The following SLC6A20 variants were observed in gnomAD, a reference collection of about 807,000 sequenced individuals.
SLC6A20 encodes the protein sodium- and chloride-dependent transporter XTRP3.
A neutral mutation model predicts 64.3 loss-of-function variants in SLC6A20; 73 were observed. That is an observed-to-expected ratio of 1.14 (90% CI 0.94 to 1.38). The LOEUF (loss-of-function observed/expected upper bound fraction) is 1.38. Ranked by LOEUF, SLC6A20 falls within the 40% of genes most tolerant of loss-of-function variation. The pLI is 0.00. For missense variants in SLC6A20, 725 were observed against 772.8 expected (o/e 0.94, Z 0.73); for synonymous variants, 347 against 329.6 (o/e 1.05, Z -0.57).
At chr3:45,772,294 C>T (rs908566089) in intron 5 of SLC6A20, 3 of 517,822 alleles carry the variant, frequency 5.8e-6, no homozygotes. Context: ...ACTTAATGCT[C>T]CAGAATTAAC....
At chr3:45,772,129 T>C (rs562874614) in intron 5 of SLC6A20, 6 of 207,828 alleles carry the variant, frequency 2.9e-5, no homozygotes, top group East Asian at 2.9e-4. Flanking sequence ...GGGAAACGGG[T>C]GCGTGGAACC....
chr3:45,782,248 C>T, intron 1 of SLC6A20, 25 bp from the exon 2 acceptor site: 2 of 1,597,522 alleles, frequency 1.3e-6, no homozygotes, highest in Non-Finnish European at 1.7e-6. Context: ...AGCTGAGAGC[C>T]AGGCCACCAC....
rs1699715622 is a variant in SLC6A20, at chr3:45,763,150, GGTC to G, written c.1304-81_1304-79del. The G allele has an allele frequency of 1.2e-5, 19 of 1,571,266 alleles. No individual in the cohort carries two copies. In the South Asian group the frequency reaches 2.1e-4, roughly 17 times the overall value. ...TTACCAGTTCTCTACAGGACAGTGG[GGTC>G]GTCGGCCCTCAGGGAATTTTGGCTG... On this transcript the variant is annotated intron_variant, in intron 8 of 10. Transcript: ENST00000358525.
intron 4 of SLC6A20, among the ~76,000 whole-genome samples, chr3:45,773,837 G>A (rs1699918368): frequency 6.6e-6 from 1 of 152,236 alleles, no homozygotes; most frequent in South Asian, 2.1e-4. Context: ...AGCTGAGGTT[G>A]TTGTAACTTG....
Position 45,759,011 on chromosome 3 carries a change from G to A in SLC6A20, c.1746C>T (p.Arg582=), listed in dbSNP as rs749688412. 6.8e-6 allele frequency: 11 copies of A among 1,612,664 alleles called. No individual in the cohort carries two copies. The highest frequency in any genetic ancestry group is 9.3e-6 in the Non-Finnish European group (11 of 1,179,422). ...CGGGGTCTGCGTCTCCCCTCTTGAG[G>A]CGACGCTGAACAAAAGTCCCCAGGG... ...LAALGTFVQR[R]LKRGDADPVA Residue 582 remains arginine, a synonymous_variant, in exon 11 of 11, where the codon CGC becomes CGT. Coordinates refer to ENST00000358525, the MANE Select transcript of SLC6A20 (RefSeq NM_020208.4).
At chr3:45,760,533 C>G (rs1178286997) in intron 9 of SLC6A20, among the ~76,000 whole-genome samples, 1 of 152,130 alleles carries the variant, frequency 6.6e-6, no homozygotes, top group Admixed American at 6.5e-5. Context: ...GAGGAAGAGC[C>G]AACCTCGGAC....
At chr3:45,762,797 T>C (rs1365599037) in intron 9 of SLC6A20, 116 bp downstream of exon 9, 1 of 1,363,440 alleles carries the variant, frequency 7.3e-7, no homozygotes, top group African/African-American at 1.4e-5. Flanking sequence ...TGAGTCATGA[T>C]GCGAAGCTTA....
In SLC6A20 at chr3:45,758,245, T is replaced by C; in HGVS notation, c.*733A>G. On this transcript the variant is annotated 3_prime_UTR_variant, in exon 11 of 11. Transcript: ENST00000358525. ...ATCCACTTTCATTCTCACCTCACAG[T>C]GGCTCCTGACTCCTTTTCCAATGCA... 1 of 303,204 alleles carries C rather than the reference T, an allele frequency of 3.3e-6. No homozygotes were observed. The highest frequency in any genetic ancestry group is 6.2e-6 in the Non-Finnish European group (1 of 161,760). The allele number at this position is 303,204 out of a possible 1,614,324, so 18.8% of individuals were successfully genotyped here. A position where few individuals can be genotyped will look rare whatever the true frequency, so the allele number is the denominator to read the frequency against.
At chr3:45,779,270 G>A (rs1008915181) in intron 3 of SLC6A20, among the ~76,000 whole-genome samples, 3 of 152,232 alleles carry the variant, frequency 2.0e-5, no homozygotes, top group African/African-American at 7.2e-5. Context: ...TCCTGAGAGT[G>A]AAACGGTAGG....
chr3:45,776,890 C>T (rs1699977554), intron 3 of SLC6A20, among the ~76,000 whole-genome samples: 1 of 152,148 alleles, frequency 6.6e-6, no homozygotes, highest in Non-Finnish European at 1.5e-5. Flanking sequence ...TCCAGGTGTG[C>T]CCCCATAGGA....
Position 45,756,447 on chromosome 3 carries a change from A to G in SLC6A20, c.*2531T>C, listed in dbSNP as rs1296560086. On this transcript the variant is annotated 3_prime_UTR_variant, in exon 11 of 11. Coordinates refer to ENST00000358525, the MANE Select transcript of SLC6A20 (RefSeq NM_020208.4). ...GAATCCACGGGGTAGATAAGATTAA[A>G]TCCATGGGGTACATGCTGGTTCATA... 1 of 152,212 alleles carries G rather than the reference A, an allele frequency of 6.6e-6. No individual in the cohort carries two copies. Among genetic ancestry groups the G allele is most frequent in the African/African-American group, 2.4e-5 (1 of 41,442 alleles). 9.4% of individuals were successfully genotyped at this position (152,212 alleles called of 1,614,324 possible). A position where few individuals can be genotyped will look rare whatever the true frequency, so the allele number is the denominator to read the frequency against.
In SLC6A20 at chr3:45,758,945, T is replaced by C. The variant is rs755566207; in HGVS notation, c.*33A>G. ...GGAGTTTCCGCCTGTAAATAGTATC[T>C]GTAAAACCGTGAGCGGCTGGGAAGC... On this transcript the variant is annotated 3_prime_UTR_variant, in exon 11 of 11. Transcript: ENST00000358525. The C allele has an allele frequency of 1.1e-5, 18 of 1,569,972 alleles. No homozygotes were observed. The highest frequency in any genetic ancestry group is 1.5e-5 in the Non-Finnish European group (17 of 1,157,934).
In SLC6A20 at chr3:45,770,235, A is replaced by G. The variant is rs756316846; in HGVS notation, c.1072T>C (p.Cys358Arg). 4 of 1,614,206 alleles carry G rather than the reference A, an allele frequency of 2.5e-6. No individual in the cohort carries two copies. In the East Asian group the frequency reaches 6.7e-5, roughly 27 times the overall value. ...GTGTCTAGCTCCGATTCCAAGCTGCAGTTTTTGATTTGCGGGAACATCTCG... is the reference window on the plus strand; with the variant it reads ...GTGTCTAGCTCCGATTCCAAGCTGCGGTTTTTGATTTGCGGGAACATCTCG... ...YSEMFPQIKN[C>R]SLESELDTAV... is the part of the protein sequence containing the mutation. The change falls in exon 7 of 11, where the codon TGC becomes CGC. Residue 358 changes from cysteine (C) to arginine (R), a missense_variant. Transcript: ENST00000358525.
At chr3:45,771,580 G>T in intron 5 of SLC6A20, 122 bp from the exon 6 acceptor site, 1 of 1,485,034 alleles carries the variant, frequency 6.7e-7, no homozygotes. Context: ...GCCATCAGGG[G>T]CACCCCTAGG....
At chr3:45,772,304 C>A in intron 5 of SLC6A20, 1 of 530,282 alleles carries the variant, frequency 1.9e-6, no homozygotes. Flanking sequence ...CCAGAATTAA[C>A]AGGGAGTGGG....
In SLC6A20 at chr3:45,759,013, G is replaced by A. The variant is rs146474113; in HGVS notation, c.1744C>T (p.Arg582Cys). The change falls in exon 11 of 11, where the codon CGC (arginine) becomes TGC (cysteine). Residue 582 changes from arginine (R) to cysteine (C), a missense_variant. Physicochemically the swap from Arg to Cys is radical, Grantham distance 180. Transcript: ENST00000358525. ...LAALGTFVQR[R>C]LKRGDADPVA ...GGGTCTGCGTCTCCCCTCTTGAGGCGACGCTGAACAAAAGTCCCCAGGGCC... is the reference window on the plus strand; with the variant it reads ...GGGTCTGCGTCTCCCCTCTTGAGGCAACGCTGAACAAAAGTCCCCAGGGCC... The A allele has an allele frequency of 4.4e-4, 714 of 1,612,486 alleles. No homozygotes were observed. Among genetic ancestry groups the A allele is most frequent in the East Asian group, 1.3e-3 (60 of 44,846 alleles).
At chr3:45,773,583 GAAAT>G (rs987114595) in intron 4 of SLC6A20, among the ~76,000 whole-genome samples, 1 of 152,142 alleles carries the variant, frequency 6.6e-6, no homozygotes, top group Non-Finnish European at 1.5e-5. Flanking sequence ...ATTTGTAAAG[GAAAT>G]AAATATTTTG....
At chr3:45,761,578 C>T (rs1699683201) in intron 9 of SLC6A20, among the ~76,000 whole-genome samples, 2 of 152,092 alleles carry the variant, frequency 1.3e-5, no homozygotes, top group African/African-American at 4.8e-5. Flanking sequence ...CCTAGGTGAC[C>T]AGGGATTTTC....
chr3:45,796,292 C>G lies in SLC6A20; in HGVS notation c.121+7G>C. The G allele has an allele frequency of 6.3e-7, 1 of 1,599,636 alleles. No individual in the cohort carries two copies. The highest frequency in any genetic ancestry group is 8.5e-7 in the Non-Finnish European group (1 of 1,173,536). On this transcript the variant is annotated splice_region_variant and intron_variant, in intron 1 of 10. Transcript: ENST00000358525. ...TGGGCTGGGGCCGGGGCGCGGTGGG[C>G]ACTCACCTCCGCCGTACATCTGGCA...
Sources: allele counts gnomAD v4.1 joint callset (sites outside exome capture counted in the v4.1 genomes callset), GRCh38; gene constraint gnomAD v4.1.1; transcripts MANE v1.5; gene names NCBI Gene and HGNC (gene_info 2026-07-23, HGNC 2026-07-21).